The following EGFLAM variants were observed in gnomAD, a reference collection of about 807,000 sequenced individuals.
The protein encoded by EGFLAM is EGF like, fibronectin type III and laminin G domains.
EGFLAM carries 79 observed loss-of-function variants against 113.1 expected under a neutral mutation model. That is an observed-to-expected ratio of 0.70 (90% CI 0.58 to 0.84). EGFLAM has a LOEUF of 0.84. EGFLAM is among the 40% of genes least tolerant of loss of function. EGFLAM has a pLI of 0.00. For synonymous variants in EGFLAM, 504 were observed against 487.6 expected (o/e 1.03, Z -0.44); for missense variants, 1,265 against 1,291.6 (o/e 0.98, Z 0.32).
At chr5:38,444,214 T>C (rs533592030) in intron 17 of EGFLAM, among the ~76,000 whole-genome samples, 78 of 152,048 alleles carry the variant, frequency 5.1e-4, no homozygotes, top group Non-Finnish European at 1.0e-3. Flanking sequence ...CTTTTAGATA[T>C]AAATGTAAGA....
At chr5:38,366,310 G>A (rs1219474396) in intron 5 of EGFLAM, among the ~76,000 whole-genome samples, 1 of 152,184 alleles carries the variant, frequency 6.6e-6, no homozygotes, top group African/African-American at 2.4e-5. Context: ...TTCTTGAAAT[G>A]TGCTATTTTG....
chr5:38,452,221 C>T (rs1195832787), intron 19 of EGFLAM, among the ~76,000 whole-genome samples: 6 of 151,778 alleles, frequency 4.0e-5, no homozygotes, highest in East Asian at 2.0e-4. Flanking sequence ...TTTGTACAGA[C>T]GGGGTTTCAC....
At chr5:38,461,983 G>A (rs1743292374) in intron 20 of EGFLAM, among the ~76,000 whole-genome samples, 1 of 152,010 alleles carries the variant, frequency 6.6e-6, no homozygotes, top group Admixed American at 6.6e-5. Flanking sequence ...GGCTAACGTG[G>A]TGAAACCCCG....
At chr5:38,457,864 C>A (rs1743140245) in intron 19 of EGFLAM, among the ~76,000 whole-genome samples, 1 of 151,818 alleles carries the variant, frequency 6.6e-6, no homozygotes, top group African/African-American at 2.4e-5. Context: ...AAGACAAATA[C>A]TCTATGATGC....
At chr5:38,294,524 T>C (rs1758407519) in intron 1 of EGFLAM, among the ~76,000 whole-genome samples, 1 of 152,196 alleles carries the variant, frequency 6.6e-6, no homozygotes. Context: ...GTTGAGTTTC[T>C]ATAAGTAAAT....
intron 17 of EGFLAM, among the ~76,000 whole-genome samples, chr5:38,444,628 T>C (rs999471656): frequency 6.6e-6 from 1 of 152,162 alleles, no homozygotes; most frequent in African/African-American, 2.4e-5. Flanking sequence ...AGCAAAAAAA[T>C]TAGGTATAGG....
chr5:38,340,055 C>T (rs1487804277), intron 3 of EGFLAM, among the ~76,000 whole-genome samples: 4 of 152,156 alleles, frequency 2.6e-5, no homozygotes, highest in Non-Finnish European at 5.9e-5. Context: ...GCCTGGAACC[C>T]AGTCCAGGTA....
At chr5:38,336,538 T>C (rs970002352) in intron 1 of EGFLAM, among the ~76,000 whole-genome samples, 2 of 148,358 alleles carry the variant, frequency 1.3e-5, no homozygotes, top group Non-Finnish European at 3.0e-5. Flanking sequence ...GGCGCCTCTG[T>C]ACTCCAGCCT....
At chr5:38,454,565 CGTAGTTATTATTAAAAT>C (rs1181139246) in intron 19 of EGFLAM, among the ~76,000 whole-genome samples, 1 of 152,120 alleles carries the variant, frequency 6.6e-6, no homozygotes, top group African/African-American at 2.4e-5. Context: ...AGAGAGAACA[CGTAGTTATTATTAAAAT>C]GTAGTTCTTA....
intron 6 of EGFLAM, among the ~76,000 whole-genome samples, chr5:38,404,484 T>A (rs947693613): frequency 1.3e-5 from 2 of 152,180 alleles, no homozygotes; most frequent in Admixed American, 6.5e-5. Context: ...ATGTTTGTGG[T>A]TTACAAGCCA....
At chr5:38,448,467 C>T in intron 18 of EGFLAM, 88 bp downstream of exon 18, 1 of 1,358,972 alleles carries the variant, frequency 7.4e-7, no homozygotes, top group Non-Finnish European at 1.0e-6. Context: ...TATTTCATGC[C>T]AGAAGATAAT....
At chr5:38,277,182 C>A (rs920675768) in intron 1 of EGFLAM, among the ~76,000 whole-genome samples, 3 of 152,026 alleles carry the variant, frequency 2.0e-5, no homozygotes, top group African/African-American at 7.3e-5. Context: ...ATTAACAAAC[C>A]AAATTCAACA....
At chr5:38,344,483 CAAA>C (rs10577346) in intron 3 of EGFLAM, among the ~76,000 whole-genome samples, 260 of 138,994 alleles carry the variant, frequency 1.9e-3, no homozygotes, top group Middle Eastern at 3.8e-3. Flanking sequence ...AACTCTGTTT[CAAA>C]AAAAAAAAAA....
chr5:38,395,991 C>T (rs1208976866), intron 6 of EGFLAM, among the ~76,000 whole-genome samples: 2 of 127,846 alleles, frequency 1.6e-5, no homozygotes, highest in African/African-American at 6.5e-5. Context: ...CACAACCCAC[C>T]ACCTACCACT....
chr5:38,444,766 G>A (rs1047641656), intron 17 of EGFLAM, among the ~76,000 whole-genome samples: 2 of 152,074 alleles, frequency 1.3e-5, no homozygotes, highest in African/African-American at 4.8e-5. Flanking sequence ...CCAACATGGC[G>A]AAACCCCAAC....
intron 1 of EGFLAM, among the ~76,000 whole-genome samples, chr5:38,276,513 GA>G (rs1349356515): frequency 6.6e-6 from 1 of 151,982 alleles, no homozygotes; most frequent in East Asian, 1.9e-4. Flanking sequence ...TGTACCTCAA[GA>G]AACTAGAAGA....
intron 14 of EGFLAM, among the ~76,000 whole-genome samples, chr5:38,427,905 T>G (rs534272397): frequency 9.2e-5 from 14 of 152,340 alleles, no homozygotes; most frequent in African/African-American, 3.4e-4. Context: ...GTCAAAACTT[T>G]CCTACTGTTA....
chr5:38,272,279 G>T (rs1005409112), intron 1 of EGFLAM, among the ~76,000 whole-genome samples: 7 of 152,198 alleles, frequency 4.6e-5, no homozygotes, highest in Non-Finnish European at 1.0e-4. Context: ...TGGAGGCTAA[G>T]AAGCAAAGGC....
At chr5:38,308,716 G>T (rs965790887) in intron 1 of EGFLAM, among the ~76,000 whole-genome samples, 2 of 152,140 alleles carry the variant, frequency 1.3e-5, no homozygotes, top group Non-Finnish European at 2.9e-5. Context: ...AAGAGATAGA[G>T]GTCAGAGAGC....
Sources: allele counts gnomAD v4.1 joint callset (sites outside exome capture counted in the v4.1 genomes callset), GRCh38; gene constraint gnomAD v4.1.1; transcripts MANE v1.5; gene names NCBI Gene and HGNC (gene_info 2026-07-23, HGNC 2026-07-21).